The following ITGA8 variants were observed in gnomAD, a reference collection of about 807,000 sequenced individuals.
ITGA8 encodes integrin alpha-8.
ITGA8 carries 91 observed loss-of-function variants against 142.3 expected under a neutral mutation model. The ratio of observed to expected loss-of-function variants is 0.64; its 90% CI spans 0.54 to 0.76. The LOEUF is 0.76. ITGA8 is among the 30% of genes least tolerant of loss of function. The pLI is 0.00. For synonymous variants in ITGA8, 505 were observed against 485.2 expected, an observed-to-expected ratio of 1.04 and a Z score of -0.54; for missense variants, 1,406 against 1,327.7, an observed-to-expected ratio of 1.06 and a Z score of -0.92.
chr10:15,624,007 C>T (rs368416705), intron 13 of ITGA8, among the ~76,000 whole-genome samples: 4 of 152,234 alleles, frequency 2.6e-5, no homozygotes, highest in South Asian at 2.1e-4. Context: ...GTTGTGTGTT[C>T]CAGGAGTTCA....
chr10:15,551,570 A>T (rs1833793540), intron 26 of ITGA8, among the ~76,000 whole-genome samples: 1 of 152,140 alleles, frequency 6.6e-6, no homozygotes, highest in African/African-American at 2.4e-5. Context: ...GCCCACTATG[A>T]GAAAGGGAAG....
At chr10:15,642,915 G>C (rs1833896762) in intron 13 of ITGA8, among the ~76,000 whole-genome samples, 1 of 152,196 alleles carries the variant, frequency 6.6e-6, no homozygotes, top group Admixed American at 6.5e-5. Flanking sequence ...TTCCCAATCA[G>C]GGGAGGGGCT....
At chr10:15,697,067 A>ACACACACAC (rs10683246) in intron 2 of ITGA8, among the ~76,000 whole-genome samples, 1 of 151,268 alleles carries the variant, frequency 6.6e-6, no homozygotes, top group African/African-American at 2.4e-5. Flanking sequence ...ACACACACAC[A>ACACACACAC]AGAAATAGTA....
intron 8 of ITGA8, among the ~76,000 whole-genome samples, chr10:15,670,158 G>C (rs761828324): frequency 1.5e-4 from 23 of 152,270 alleles, no homozygotes; most frequent in Non-Finnish European, 3.1e-4. Context: ...AATTATTTGT[G>C]AATTAAACCA....
intron 8 of ITGA8, among the ~76,000 whole-genome samples, chr10:15,661,600 C>A (rs182902654): frequency 2.0e-5 from 3 of 152,110 alleles, no homozygotes; most frequent in African/African-American, 4.8e-5. Context: ...CTTGAGTCTG[C>A]GTGTGATTTA....
intron 23 of ITGA8, among the ~76,000 whole-genome samples, chr10:15,578,461 T>G (rs781356520): frequency 8.5e-5 from 13 of 152,164 alleles, no homozygotes; most frequent in Non-Finnish European, 1.8e-4. Context: ...TTAACAAAGC[T>G]GCTATTAAGA....
chr10:15,657,509 C>CA (rs1834206996), intron 10 of ITGA8, among the ~76,000 whole-genome samples: 1 of 116,500 alleles, frequency 8.6e-6, no homozygotes, highest in Non-Finnish European at 1.8e-5. Context: ...TCTTTTCTTT[C>CA]ATTTTTTTTT....
intron 25 of ITGA8, among the ~76,000 whole-genome samples, chr10:15,565,918 G>A (rs1329618756): frequency 6.6e-6 from 1 of 151,958 alleles, no homozygotes; most frequent in Non-Finnish European, 1.5e-5. Flanking sequence ...GGGTATGTGT[G>A]TGTGTGCGCA....
chr10:15,586,987 A>G (rs1338534505), intron 22 of ITGA8, among the ~76,000 whole-genome samples: 1 of 151,994 alleles, frequency 6.6e-6, no homozygotes, highest in African/African-American at 2.4e-5. Context: ...CAGTAGCCCA[A>G]TATCAGCTCA....
At position 15,597,088 on chromosome 10, in the gene ITGA8, C is replaced by A. The variant is rs1378664983; in HGVS notation, c.2211+119G>T. The A allele has an allele frequency of 1.1e-5, 8 of 749,000 alleles. No homozygotes were observed. The Admixed American group carries it at 1.6e-4, about 15-fold the overall frequency. The allele number at this position is 749,000 out of a possible 1,614,324, so 46.4% of individuals were successfully genotyped here. A position where few individuals can be genotyped will look rare whatever the true frequency, so the allele number is the denominator to read the frequency against. ...ATCCCACTACTCTGGCAATTTCCTG[C>A]CTAATTTGTTGTTGCTGCTAGGTGC... On this transcript the variant is annotated intron_variant, in intron 21 of 29. Coordinates refer to ENST00000378076, the MANE Select transcript of ITGA8 (RefSeq NM_003638.3).
Position 15,572,219 on chromosome 10 carries a change from C to T in ITGA8, c.2629G>A (p.Asp877Asn). The T allele has an allele frequency of 1.9e-6, 3 of 1,613,198 alleles. No individual in the cohort carries two copies. The highest frequency in any genetic ancestry group is 2.5e-6 in the Non-Finnish European group (3 of 1,179,490). ...TTAGACCAGACTCCTACCTTTATAT[C>T]CTGTGGATTGATATTAGGATTTGGT... ...CQPNPNINPQ[D>N]IKPAASPEDT... The change falls in exon 25 of 30, where the codon GAT becomes AAT. Residue 877 changes from aspartate (D) to asparagine (N), a missense_variant. Physicochemically the swap from Asp to Asn is conservative, Grantham distance 23 (BLOSUM62 1). Coordinates refer to ENST00000378076, the MANE Select transcript of ITGA8 (RefSeq NM_003638.3).
intron 25 of ITGA8, among the ~76,000 whole-genome samples, chr10:15,567,803 C>T (rs1046576479): frequency 1.3e-5 from 2 of 152,192 alleles, no homozygotes; most frequent in African/African-American, 4.8e-5. Flanking sequence ...TCCTGCAGCC[C>T]CCAGGCTGTT....
intron 15 of ITGA8, among the ~76,000 whole-genome samples, chr10:15,612,448 A>T (rs1319992973): frequency 6.6e-6 from 1 of 152,188 alleles, no homozygotes; most frequent in East Asian, 1.9e-4. Context: ...ATAAGGGCAA[A>T]ATATTAAACA....
intron 2 of ITGA8, among the ~76,000 whole-genome samples, chr10:15,709,084 T>G (rs1211580839): frequency 2.0e-5 from 3 of 152,248 alleles, no homozygotes; most frequent in African/African-American, 7.2e-5. Context: ...TCCAATAGGT[T>G]GATTTCGTTT....
At chr10:15,525,964 G>A (rs377258651) in intron 28 of ITGA8, among the ~76,000 whole-genome samples, 10 of 152,254 alleles carry the variant, frequency 6.6e-5, no homozygotes, top group African/African-American at 2.2e-4. Flanking sequence ...ATGTAGTCCT[G>A]TGAAAGTAAC....
chr10:15,518,734 G>C (rs1049106706), intron 29 of ITGA8, among the ~76,000 whole-genome samples: 1 of 152,146 alleles, frequency 6.6e-6, no homozygotes, highest in Non-Finnish European at 1.5e-5. Flanking sequence ...CAAAGACTAA[G>C]TTCAGGCTTC....
intron 2 of ITGA8, among the ~76,000 whole-genome samples, chr10:15,707,123 G>C (rs372327768): frequency 1.3e-5 from 2 of 152,162 alleles, no homozygotes; most frequent in South Asian, 2.1e-4. Flanking sequence ...AAATAATACC[G>C]CTCAAGAGGG....
chr10:15,555,753 T>C (rs1026481144), intron 26 of ITGA8, among the ~76,000 whole-genome samples: 3 of 151,870 alleles, frequency 2.0e-5, no homozygotes, highest in Non-Finnish European at 2.9e-5. Context: ...TGGAGTGCAG[T>C]GGCGCGATCT....
chr10:15,604,141 T>C (rs1833151196), intron 20 of ITGA8, 67 bp downstream of exon 20: 2 of 1,422,986 alleles, frequency 1.4e-6, no homozygotes, highest in Non-Finnish European at 1.9e-6. Flanking sequence ...AAGATGGCCC[T>C]TCTTAACATT....
Sources: gnomAD v4.1 joint callset for allele counts (sites outside exome capture counted in the v4.1 genomes callset) on GRCh38, gnomAD v4.1.1 for gene constraint, MANE v1.5 for transcripts, NCBI Gene and HGNC (gene_info 2026-07-23, HGNC 2026-07-21) for gene names.